The following GOLGA5 variants were observed in gnomAD, a reference collection of about 807,000 sequenced individuals.
GOLGA5 encodes the protein golgin subfamily A member 5.
A neutral mutation model predicts 93.5 loss-of-function variants in GOLGA5; 50 were observed. That is an observed-to-expected ratio of 0.53 (90% CI 0.43 to 0.68). The LOEUF (loss-of-function observed/expected upper bound fraction) is 0.68, where lower values mean the gene tolerates loss of function less well. Among genes scored for constraint, GOLGA5 ranks in the 30% least tolerant of loss-of-function variants. The pLI, the probability that GOLGA5 is intolerant of heterozygous loss-of-function variation, is 0.00. For synonymous variants in GOLGA5, 312 were observed against 304.5 expected (o/e 1.02, Z -0.26); for missense variants, 760 against 856.4 (o/e 0.89, Z 1.40).
chr14:92,815,004 G>C (rs1299197988), intron 6 of GOLGA5, among the ~76,000 whole-genome samples: 1 of 152,092 alleles, frequency 6.6e-6, no homozygotes, highest in Admixed American at 6.6e-5. Flanking sequence ...ACCATCATTT[G>C]TGAGCACCTT....
At chr14:92,799,163 G>A (rs867421501) in intron 2 of GOLGA5, among the ~76,000 whole-genome samples, 2 of 151,858 alleles carry the variant, frequency 1.3e-5, no homozygotes, top group African/African-American at 2.4e-5. Flanking sequence ...AATAGAAACA[G>A]TGTCTCACTG....
At position 92,824,621 on chromosome 14, in the gene GOLGA5, G is replaced by C. The variant is rs770767639; in HGVS notation, c.1696G>C (p.Glu566Gln). ...LQSRIKDRDE[E>Q]IQKLRNQLTN... The stretch of plus-strand genomic sequence containing the variant: ...AAGCAGAATTAAAGATCGAGACGAA[G>C]AAATTCAAAAACTCAGGAATCAGGT... The change falls in exon 9 of 13, where the codon GAA (glutamate) becomes CAA (glutamine). Residue 566 changes from glutamate to glutamine, a missense_variant. Coordinates refer to ENST00000163416, the MANE Select transcript of GOLGA5 (RefSeq NM_005113.4). 24 of 1,593,454 alleles carry C rather than the reference G, an allele frequency of 1.5e-5. No homozygotes were observed. The Admixed American group carries it at 2.5e-4, about 17-fold the overall frequency.
intron 3 of GOLGA5, among the ~76,000 whole-genome samples, chr14:92,807,256 T>C (rs1048787396): frequency 2.6e-5 from 4 of 152,056 alleles, no homozygotes; most frequent in Admixed American, 2.6e-4. Context: ...GAACCGAGAT[T>C]GCACTACTGC....
At chr14:92,830,456 G>A (rs1885507550) in intron 9 of GOLGA5, among the ~76,000 whole-genome samples, 1 of 150,674 alleles carries the variant, frequency 6.6e-6, no homozygotes, top group African/African-American at 2.4e-5. Context: ...TGTATTTTGT[G>A]TGTGGCCCAA....
Position 92,809,219 on chromosome 14 carries a change from C to T in GOLGA5, c.773-81C>T, listed in dbSNP as rs1885053873. The T allele has an allele frequency of 3.5e-6, 3 of 861,110 alleles. 1 individual carries two copies. The South Asian group carries it at 4.8e-5, about 14-fold the overall frequency. The allele number at this position is 861,110 out of a possible 1,614,324, so 53.3% of individuals were successfully genotyped here. A position where few individuals can be genotyped will look rare whatever the true frequency, so the allele number is the denominator to read the frequency against. On this transcript the variant is annotated intron_variant, in intron 3 of 12. Transcript: ENST00000163416. ...TTGTCAATAAGGAAAGTACTAAAGG[C>T]ACTCAAAGTAGAAACTGTACGTGCT...
At chr14:92,824,465 T>C in intron 8 of GOLGA5, 81 bp from the exon 9 acceptor site, 1 of 697,314 alleles carries the variant, frequency 1.4e-6, no homozygotes, top group African/African-American at 1.8e-5. Context: ...GTCTACCATG[T>C]GCCAGGCACT....
At chr14:92,799,447 T>TTTG (rs1884814437) in intron 2 of GOLGA5, among the ~76,000 whole-genome samples, 1 of 148,258 alleles carries the variant, frequency 6.7e-6, no homozygotes, top group African/African-American at 2.5e-5. Context: ...TGGCTAATTT[T>TTTG]TTTTTTTTTT....
intron 9 of GOLGA5, among the ~76,000 whole-genome samples, chr14:92,831,693 C>G (rs11852227): frequency 3.2e-3 from 485 of 152,224 alleles, no homozygotes; most frequent in Middle Eastern, 0.014. Flanking sequence ...ATAGTACCAT[C>G]TTAAAATTGA....
chr14:92,820,427 T>C (rs1399968332), intron 8 of GOLGA5, among the ~76,000 whole-genome samples: 1 of 152,244 alleles, frequency 6.6e-6, no homozygotes, highest in African/African-American at 2.4e-5. Context: ...TATCTCAGAA[T>C]AGAACAAATG....
At chr14:92,825,390 T>C (rs1473471075) in intron 9 of GOLGA5, among the ~76,000 whole-genome samples, 2 of 152,200 alleles carry the variant, frequency 1.3e-5, no homozygotes, top group Non-Finnish European at 2.9e-5. Flanking sequence ...GCTCACTGAT[T>C]TGAGCATTCC....
At chr14:92,818,994 A>G (rs933841163) in intron 7 of GOLGA5, among the ~76,000 whole-genome samples, 4 of 152,250 alleles carry the variant, frequency 2.6e-5, no homozygotes, top group African/African-American at 4.8e-5. Flanking sequence ...TTCTGGTGAT[A>G]TGCAAGACAA....
At chr14:92,816,589 C>A (rs1451055168) in intron 7 of GOLGA5, among the ~76,000 whole-genome samples, 168 bp downstream of exon 7, 2 of 152,120 alleles carry the variant, frequency 1.3e-5, no homozygotes, top group Non-Finnish European at 2.9e-5. Context: ...CTTTTGGAGT[C>A]AGGATCTTGC....
At chr14:92,797,185 A>G (rs1884753126) in intron 1 of GOLGA5, among the ~76,000 whole-genome samples, 1 of 152,112 alleles carries the variant, frequency 6.6e-6, no homozygotes, top group Non-Finnish European at 1.5e-5. Flanking sequence ...TTTTTTATAT[A>G]TTATTTCATC....
intron 9 of GOLGA5, among the ~76,000 whole-genome samples, chr14:92,829,951 T>A (rs996728808): frequency 2.6e-5 from 4 of 152,140 alleles, no homozygotes; most frequent in Non-Finnish European, 5.9e-5. Flanking sequence ...GCCATCAACA[T>A]CAAGGCAAGA....
rs752311515 is a variant in GOLGA5, at chr14:92,797,464, A to G, written c.27A>G (p.Gly9=). 5 of 1,609,178 alleles carry G rather than the reference A, an allele frequency of 3.1e-6. No individual in the cohort carries two copies. The East Asian group carries it at 6.7e-5, about 22-fold the overall frequency. The part of the protein sequence containing the change: MSWFVDLA[G]KAEDLLNRVD... ...TGTCTTGGTTTGTTGATCTTGCTGG[A>G]AAGGCAGAAGATCTTTTAAACCGAG... The change falls in exon 2 of 13, where the codon GGA becomes GGG. Residue 9 remains glycine, a synonymous_variant. Transcript: ENST00000163416.
rs1328423902 is a variant in GOLGA5 at position 92,822,037 on chromosome 14, A to G, written c.1620+2201A>G. ...TAGCTGTGGGCTATTTATTTAGTAT[A>G]TGTTCCAAATGGAAAGTGTTTAATC... On this transcript the variant is annotated intron_variant, in intron 8 of 12. Coordinates refer to ENST00000163416, the MANE Select transcript of GOLGA5 (RefSeq NM_005113.4). Among the ~76,000 whole-genome samples, 4 of 152,136 alleles carry G rather than the reference A, an allele frequency of 2.6e-5. No individual in the cohort carries two copies. In the East Asian group the frequency reaches 7.7e-4, roughly 29 times the overall value.
rs544665365 is a variant in GOLGA5 at position 92,819,842 on chromosome 14, G to C, written c.1620+6G>C. On this transcript the variant is annotated splice_donor_region_variant and intron_variant, in intron 8 of 12. Coordinates refer to ENST00000163416, the MANE Select transcript of GOLGA5 (RefSeq NM_005113.4). ...AACTGGAGCGACTGAAGCAGGTCAG[G>C]ATTTGAGATTGATGACTTCTGAGAC... 6.2e-6 allele frequency: 10 copies of C among 1,613,246 alleles called. No individual in the cohort carries two copies. In the South Asian group the frequency reaches 1.1e-4, roughly 18 times the overall value.
At chr14:92,822,975 G>A (rs1158521147) in intron 8 of GOLGA5, among the ~76,000 whole-genome samples, 2 of 152,096 alleles carry the variant, frequency 1.3e-5, no homozygotes, top group African/African-American at 4.8e-5. Flanking sequence ...TGATTTTTAT[G>A]TAGTCAACTT....
At chr14:92,804,609 G>A (rs897153711) in intron 2 of GOLGA5, among the ~76,000 whole-genome samples, 1 of 150,214 alleles carries the variant, frequency 6.7e-6, no homozygotes, top group Non-Finnish European at 1.5e-5. Context: ...TACTCTAAAA[G>A]CAAATGTTCA....
Sources: allele counts gnomAD v4.1 joint callset (sites outside exome capture counted in the v4.1 genomes callset), GRCh38; gene constraint gnomAD v4.1.1; transcripts MANE v1.5; gene names NCBI Gene and HGNC (gene_info 2026-07-23, HGNC 2026-07-21).